Variants in SRBD1 observed in about 807,000 individuals in gnomAD.
SRBD1 encodes S1 RNA-binding domain-containing protein 1.
In SRBD1, 88 loss-of-function variants were observed where a neutral mutation model predicts 115.3. That is an observed-to-expected ratio of 0.76 (90% CI 0.64 to 0.91). The LOEUF (loss-of-function observed/expected upper bound fraction) is 0.91. Ranked by LOEUF, SRBD1 falls within the 40% of genes least tolerant of loss-of-function variation. The pLI, the probability that SRBD1 is intolerant of heterozygous loss-of-function variation, is 0.00. For synonymous variants in SRBD1, 509 were observed against 407.7 expected (o/e 1.25, Z -2.99); for missense variants, 1,385 against 1,177.4 (o/e 1.18, Z -2.58).
At chr2:45,391,925 AT>A (rs1398121906) in intron 20 of SRBD1, among the ~76,000 whole-genome samples, 1 of 152,104 alleles carries the variant, frequency 6.6e-6, no homozygotes, top group East Asian at 1.9e-4. Context: ...CAAATCCAGT[AT>A]TTTTGAGAAC....
chr2:45,444,805 C>A (rs1186183244), intron 16 of SRBD1, among the ~76,000 whole-genome samples: 1 of 152,204 alleles, frequency 6.6e-6, no homozygotes, highest in African/African-American at 2.4e-5. Context: ...TTGGGGAACT[C>A]CTTTGGTATC....
chr2:45,397,685 C>T (rs1296263433), intron 19 of SRBD1, among the ~76,000 whole-genome samples: 1 of 152,182 alleles, frequency 6.6e-6, no homozygotes, highest in African/African-American at 2.4e-5. Flanking sequence ...CTCACTGTAG[C>T]CTTGGACTTC....
At chr2:45,457,546 T>C (rs1445799125) in intron 16 of SRBD1, among the ~76,000 whole-genome samples, 1 of 152,022 alleles carries the variant, frequency 6.6e-6, no homozygotes, top group Non-Finnish European at 1.5e-5. Flanking sequence ...CTCAACTTCA[T>C]GGTATAGCTA....
chr2:45,414,970 TG>T lies in SRBD1; in HGVS notation c.2334-1678del, dbSNP rs1489115704. ...TATGTACATACACACACATATAGTG[TG>T]TATATAGTATGTATATACACACATA... is the stretch of plus-strand genomic sequence containing the variant. On this transcript the variant is annotated intron_variant, in intron 18 of 20. Coordinates refer to ENST00000263736, the MANE Select transcript of SRBD1 (RefSeq NM_018079.5). Among the ~76,000 whole-genome samples, 34 of 98,102 alleles carry T rather than the reference TG, an allele frequency of 3.5e-4. 2 individuals are homozygous for T. The highest frequency in any genetic ancestry group is 8.7e-4 in the African/African-American group (21 of 24,130). The allele number at this position is 98,102 out of a possible 152,430, so 64.4% of individuals were successfully genotyped here.
At chr2:45,429,016 C>G (rs926726013) in intron 16 of SRBD1, among the ~76,000 whole-genome samples, 4 of 152,148 alleles carry the variant, frequency 2.6e-5, no homozygotes, top group Non-Finnish European at 5.9e-5. Context: ...ATACTATAAA[C>G]ACCTTTACGC....
intron 19 of SRBD1, among the ~76,000 whole-genome samples, chr2:45,408,536 T>C (rs1311519253): frequency 1.3e-5 from 2 of 152,216 alleles, no homozygotes; most frequent in South Asian, 2.1e-4. Context: ...AGGGCATTTA[T>C]ATTTCACATG....
intron 10 of SRBD1, among the ~76,000 whole-genome samples, chr2:45,560,846 C>T (rs976243620): frequency 2.6e-5 from 4 of 151,948 alleles, no homozygotes; most frequent in Non-Finnish European, 5.9e-5. Flanking sequence ...TGGGTCACGC[C>T]TGTCACGCCA....
In SRBD1 at chr2:45,596,895, C is replaced by T. The variant is rs575609298; in HGVS notation, c.648+2554G>A. Among the ~76,000 whole-genome samples the T allele has an allele frequency of 2.0e-5, 3 of 151,148 alleles. No homozygotes were observed. The South Asian group carries it at 6.3e-4, about 32-fold the overall frequency. ...AGACATCTTCTGGCCCAGAAATGCC[C>T]TCCTTTTCTCAGAGAACACCCCCCC... is the stretch of plus-strand genomic sequence containing the variant. On this transcript the variant is annotated intron_variant, in intron 4 of 20. Coordinates refer to ENST00000263736, the MANE Select transcript of SRBD1 (RefSeq NM_018079.5).
At position 45,418,496 on chromosome 2, in the gene SRBD1, T is replaced by A. The variant is rs549869758; in HGVS notation, c.2202A>T (p.Glu734Asp). 9 of 1,613,878 alleles carry A rather than the reference T, an allele frequency of 5.6e-6. No homozygotes were observed. The highest frequency in any genetic ancestry group is 7.6e-6 in the Non-Finnish European group (9 of 1,179,918). ...TAAAGGGTCCATTTTTCTCTCGCCATTCAATAATATTTTTGGCCCTGTTGG... is the reference window on the plus strand; with the variant it reads ...TAAAGGGTCCATTTTTCTCTCGCCAATCAATAATATTTTTGGCCCTGTTGG... ...LNANRAKNII[E>D]WREKNGPFIN... Residue 734 changes from glutamate (E) to aspartate (D), a missense_variant, in exon 18 of 21, where the codon GAA (glutamate) becomes GAT (aspartate). Glu to Asp is a conservative substitution (Grantham distance 45). Transcript: ENST00000263736.
Position 45,418,400 on chromosome 2 carries a change from G to A in SRBD1, c.2298C>T (p.Ile766=). Residue 766 remains isoleucine (I), a synonymous_variant, in exon 18 of 21, where the codon ATC becomes ATT. Transcript: ENST00000263736. The stretch of plus-strand genomic sequence containing the variant: ...TTCGGATATAATCCTGGTTGATTCT[G>A]ATGAAGCCAGCACACTGTTGGAAGG... ...PKSFQQCAGF[I]RINQDYIRTF... is the part of the protein sequence containing the mutation. The A allele has an allele frequency of 1.2e-6, 2 of 1,613,964 alleles. No homozygotes were observed. Among genetic ancestry groups the A allele is most frequent in the South Asian group, 2.2e-5 (2 of 91,062 alleles).
chr2:45,601,027 AAAGAT>A (rs1398589996), intron 3 of SRBD1, among the ~76,000 whole-genome samples: 2 of 152,202 alleles, frequency 1.3e-5, no homozygotes, highest in African/African-American at 4.8e-5. Flanking sequence ...GCAGAGACAT[AAAGAT>A]AAAATAACTC....
At chr2:45,477,104 T>A (rs981173900) in intron 15 of SRBD1, 29 bp from the exon 16 acceptor site, 1 of 1,579,732 alleles carries the variant, frequency 6.3e-7, no homozygotes, top group Non-Finnish European at 8.7e-7. Context: ...AAAACAAGTA[T>A]GACTTAATGT....
At chr2:45,501,658 G>A (rs909088788) in intron 14 of SRBD1, among the ~76,000 whole-genome samples, 4 of 152,160 alleles carry the variant, frequency 2.6e-5, no homozygotes, top group Admixed American at 6.5e-5. Context: ...CGCCTGGCTC[G>A]GAGGGTCCCA....
At chr2:45,499,229 C>A (rs979808204) in intron 14 of SRBD1, among the ~76,000 whole-genome samples, 2 of 151,930 alleles carry the variant, frequency 1.3e-5, no homozygotes, top group African/African-American at 4.8e-5. Flanking sequence ...TTTTAATTTT[C>A]ATTTCTTTGA....
chr2:45,453,476 G>T (rs1184213630), intron 16 of SRBD1, among the ~76,000 whole-genome samples: 1 of 151,646 alleles, frequency 6.6e-6, no homozygotes, highest in East Asian at 1.9e-4. Flanking sequence ...ATTTAAGTTT[G>T]TTATTAACAA....
intron 16 of SRBD1, among the ~76,000 whole-genome samples, chr2:45,456,118 T>C (rs573561061): frequency 1.1e-4 from 16 of 151,946 alleles, no homozygotes; most frequent in Admixed American, 5.9e-4. Context: ...GTCCCCAGAA[T>C]ATAAAAAGCA....
rs755847629 is a variant in SRBD1 at position 45,601,888 on chromosome 2, A to G, written c.261+15T>C. 1 of 1,613,334 alleles carries G rather than the reference A, an allele frequency of 6.2e-7. No individual in the cohort carries two copies. Among genetic ancestry groups the G allele is most frequent in the Non-Finnish European group, 8.5e-7 (1 of 1,179,574 alleles). ...AGACACTACAGAGTTCCCTCTATCCAGCTGTAGCACCTACCAGCTCCTCCT... is the reference window on the plus strand; with the variant it reads ...AGACACTACAGAGTTCCCTCTATCCGGCTGTAGCACCTACCAGCTCCTCCT... On this transcript the variant is annotated intron_variant, in intron 3 of 20. Coordinates refer to ENST00000263736, the MANE Select transcript of SRBD1 (RefSeq NM_018079.5).
At chr2:45,545,283 T>TAAAAAAAAAAAAAAAAAAAAAAAAAA (rs56909656) in intron 14 of SRBD1, among the ~76,000 whole-genome samples, 2 of 68,576 alleles carry the variant, frequency 2.9e-5, no homozygotes, top group African/African-American at 1.4e-4. Context: ...CTGTCTCAAT[T>TAAAAAAAAAAAAAAAAAAAAAAAAAA]AAAAAAAAAA....
At chr2:45,510,979 G>C (rs868767727) in intron 14 of SRBD1, among the ~76,000 whole-genome samples, 64 of 152,284 alleles carry the variant, frequency 4.2e-4, no homozygotes, top group African/African-American at 1.5e-3. Context: ...TGACTGCCTA[G>C]GATTATAGTT....
Sources: gnomAD v4.1 joint callset for allele counts (sites outside exome capture counted in the v4.1 genomes callset) on GRCh38, gnomAD v4.1.1 for gene constraint, MANE v1.5 for transcripts, NCBI Gene and HGNC (gene_info 2026-07-23, HGNC 2026-07-21) for gene names.